The following MYO1D variants were observed in gnomAD, a reference collection of about 807,000 sequenced individuals.
MYO1D encodes the protein unconventional myosin-Id.
MYO1D carries 83 observed loss-of-function variants against 122.0 expected under a neutral mutation model. That is an observed-to-expected ratio of 0.68 (90% CI 0.57 to 0.82). The LOEUF is 0.82. Ranked by LOEUF, MYO1D falls within the 40% of genes least tolerant of loss-of-function variation. MYO1D has a pLI of 0.00. For missense variants in MYO1D, 1,157 were observed against 1,269.5 expected (o/e 0.91, Z 1.35); for synonymous variants, 464 against 446.9 (o/e 1.04, Z -0.48).
At chr17:32,688,238 G>A (rs224455) in intron 16 of MYO1D, among the ~76,000 whole-genome samples, 151,039 of 152,318 alleles carry the variant, frequency 0.99, 74,889 homozygotes, top group Middle Eastern at 1. Context: ...ACTCCTACTT[G>A]TAAAATGATT....
intron 16 of MYO1D, among the ~76,000 whole-genome samples, chr17:32,674,974 AGACT>A (rs1343266881): frequency 6.6e-6 from 1 of 152,220 alleles, no homozygotes; most frequent in African/African-American, 2.4e-5. Context: ...TTCCTGTCTT[AGACT>A]GTAATTGATA....
intron 1 of MYO1D, among the ~76,000 whole-genome samples, chr17:32,858,880 CT>C (rs2091048063): frequency 6.6e-6 from 1 of 152,198 alleles, no homozygotes; most frequent in South Asian, 2.1e-4. Flanking sequence ...CTAGTGGGTA[CT>C]CACTTAAGCT....
intron 1 of MYO1D, among the ~76,000 whole-genome samples, chr17:32,840,505 T>G (rs566160602): frequency 6.6e-6 from 1 of 152,316 alleles, no homozygotes; most frequent in South Asian, 2.1e-4. Flanking sequence ...GCTATGTGTG[T>G]CATGACATAA....
intron 21 of MYO1D, among the ~76,000 whole-genome samples, chr17:32,540,037 A>G (rs1410188997): frequency 6.6e-6 from 1 of 152,160 alleles, no homozygotes; most frequent in East Asian, 1.9e-4. Context: ...TTGTGCTTCA[A>G]AGGATACTGC....
chr17:32,848,994 T>G (rs1216298136), intron 1 of MYO1D, among the ~76,000 whole-genome samples: 3 of 152,134 alleles, frequency 2.0e-5, no homozygotes. Flanking sequence ...TTGTTAGAAA[T>G]AAACATGTAG....
intron 1 of MYO1D, among the ~76,000 whole-genome samples, chr17:32,829,819 G>C (rs2090755552): frequency 6.6e-6 from 1 of 152,036 alleles, no homozygotes; most frequent in South Asian, 2.1e-4. Context: ...ATGCCTTGTG[G>C]GATTTTTGTG....
intron 1 of MYO1D, among the ~76,000 whole-genome samples, chr17:32,831,162 T>C (rs1239455181): frequency 2.6e-5 from 4 of 152,192 alleles, no homozygotes; most frequent in African/African-American, 7.2e-5. Context: ...CTTAAGAAAG[T>C]AGAAGTCAAC....
At chr17:32,637,804 C>T (rs1423637583) in intron 20 of MYO1D, among the ~76,000 whole-genome samples, 1 of 152,118 alleles carries the variant, frequency 6.6e-6, no homozygotes, top group Admixed American at 6.6e-5. Flanking sequence ...GAAGACGGAT[C>T]TCCACCCCAT....
chr17:32,679,509 A>C (rs981249600), intron 16 of MYO1D, among the ~76,000 whole-genome samples: 1 of 151,992 alleles, frequency 6.6e-6, no homozygotes, highest in African/African-American at 2.4e-5. Flanking sequence ...CCATTTATTA[A>C]ATAGGGAATC....
chr17:32,546,362 T>TCTGTCTTTGTCGAGGAGCACTCC (rs2086964842), intron 21 of MYO1D, among the ~76,000 whole-genome samples: 1 of 152,216 alleles, frequency 6.6e-6, no homozygotes, highest in Admixed American at 6.5e-5. Flanking sequence ...AGGAGCTCTG[T>TCTGTCTTTGTCGAGGAGCACTCC]CTGTCTTTGT....
At chr17:32,800,817 C>T (rs758203702) in intron 1 of MYO1D, among the ~76,000 whole-genome samples, 1 of 152,052 alleles carries the variant, frequency 6.6e-6, no homozygotes, top group Non-Finnish European at 1.5e-5. Context: ...GAGCAATCCT[C>T]CCACCTCAGC....
intron 1 of MYO1D, among the ~76,000 whole-genome samples, chr17:32,806,671 ATG>A (rs1295325727): frequency 2.6e-5 from 4 of 152,346 alleles, no homozygotes; most frequent in African/African-American, 9.6e-5. Context: ...GCCACCATGA[ATG>A]GCCAAACCTC....
chr17:32,796,374 C>T (rs1205773614), intron 1 of MYO1D, among the ~76,000 whole-genome samples: 2 of 152,148 alleles, frequency 1.3e-5, no homozygotes, highest in Non-Finnish European at 2.9e-5. Context: ...AACAATTATG[C>T]ATTTTAAATA....
rs567978893 is a variant in MYO1D, at chr17:32,795,776, T to C, written c.96-14992A>G. On this transcript the variant is annotated intron_variant, in intron 1 of 21. Coordinates refer to ENST00000318217, the MANE Select transcript of MYO1D (RefSeq NM_015194.3). ...GAGTCCGCCTGAAGACAAGTACTCC[T>C]AAAGACTGAGAAAGAGGCCATCCGG... Among the ~76,000 whole-genome samples, 6 of 152,140 alleles carry C rather than the reference T, an allele frequency of 3.9e-5. No homozygotes were observed. The South Asian group carries it at 1.0e-3, about 26-fold the overall frequency.
chr17:32,869,392 T>G (rs937408027), intron 1 of MYO1D, among the ~76,000 whole-genome samples: 1 of 152,222 alleles, frequency 6.6e-6, no homozygotes, highest in African/African-American at 2.4e-5. Flanking sequence ...ATGAATATAG[T>G]TGGCATTTTT....
chr17:32,662,918 CTTTTT>C (rs66842883), intron 16 of MYO1D, among the ~76,000 whole-genome samples: 2 of 118,746 alleles, frequency 1.7e-5, no homozygotes. Context: ...ACTTTCTTTT[CTTTTT>C]TTTTTTTTTT....
chr17:32,683,508 C>A (rs916511825), intron 16 of MYO1D, among the ~76,000 whole-genome samples: 1 of 151,890 alleles, frequency 6.6e-6, no homozygotes, highest in African/African-American at 2.4e-5. Context: ...AATACCCTGC[C>A]GTGTGAGGTG....
chr17:32,663,667 G>T (rs574029710), intron 16 of MYO1D, among the ~76,000 whole-genome samples: 1 of 152,296 alleles, frequency 6.6e-6, no homozygotes, highest in African/African-American at 2.4e-5. Flanking sequence ...AGGCAGGAAA[G>T]ATGGCAAACC....
intron 13 of MYO1D, among the ~76,000 whole-genome samples, chr17:32,743,919 C>T (rs2089800777): frequency 1.3e-5 from 2 of 152,178 alleles, no homozygotes; most frequent in Admixed American, 1.3e-4. Context: ...CGACCAGCCT[C>T]AGCCTGCATT....
Sources: allele counts gnomAD v4.1 joint callset (sites outside exome capture counted in the v4.1 genomes callset), GRCh38; gene constraint gnomAD v4.1.1; transcripts MANE v1.5; gene names NCBI Gene and HGNC (gene_info 2026-07-23, HGNC 2026-07-21).